Variants in MEGF10 observed in about 807,000 individuals in gnomAD.
MEGF10 encodes the protein multiple EGF like domains 10.
MEGF10 carries 86 observed loss-of-function variants against 147.5 expected under a neutral mutation model. The ratio of observed to expected loss-of-function variants is 0.58; its 90% CI spans 0.49 to 0.70. The LOEUF is 0.70. Ranked by LOEUF, MEGF10 falls within the 30% of genes least tolerant of loss-of-function variation. The pLI, the probability that MEGF10 is intolerant of heterozygous loss-of-function variation, is 0.00. For synonymous variants in MEGF10, 478 were observed against 525.5 expected, an observed-to-expected ratio of 0.91 and a Z score of 1.24; for missense variants, 1,329 against 1,487.3, an observed-to-expected ratio of 0.89 and a Z score of 1.75.
chr5:127,306,744 A>G (rs1760030267), intron 1 of MEGF10, among the ~76,000 whole-genome samples: 1 of 152,226 alleles, frequency 6.6e-6, no homozygotes, highest in African/African-American at 2.4e-5. Context: ...GTTAGAGGAA[A>G]GAAGTCCAGG....
intron 5 of MEGF10, among the ~76,000 whole-genome samples, chr5:127,374,032 T>C (rs1372488975): frequency 6.6e-6 from 1 of 152,188 alleles, no homozygotes; most frequent in African/African-American, 2.4e-5. Context: ...GGGGAAGTCA[T>C]TGGCTGATGG....
the MEGF10 span, among the ~76,000 whole-genome samples, chr5:127,247,483 A>G: frequency 1.8e-3 from 277 of 150,208 alleles, 7 homozygotes; most frequent in Middle Eastern, 0.01. Context: ...GAAGAAGAAG[A>G]AGAAAAATTT....
chr5:127,450,345 C>G (rs1766106220), intron 22 of MEGF10, among the ~76,000 whole-genome samples: 1 of 152,160 alleles, frequency 6.6e-6, no homozygotes, highest in Admixed American at 6.5e-5. Context: ...GCGAGACTCA[C>G]CTCTTAAAAT....
intron 2 of MEGF10, among the ~76,000 whole-genome samples, chr5:127,334,344 T>C (rs1202141264): frequency 2.6e-5 from 4 of 152,084 alleles, no homozygotes; most frequent in Non-Finnish European, 4.4e-5. Flanking sequence ...AGGCATGAAC[T>C]TGTTAGAAAT....
chr5:127,338,295 G>A lies in MEGF10; in HGVS notation c.117-825G>A, dbSNP rs566321928. Among the ~76,000 whole-genome samples, 29 of 152,164 alleles carry A rather than the reference G, an allele frequency of 1.9e-4. 1 individual carries two copies. Among genetic ancestry groups the A allele is most frequent in the South Asian group, 1.7e-3 (8 of 4,820 alleles). On this transcript the variant is annotated intron_variant, in intron 2 of 24. Coordinates refer to ENST00000503335, the MANE Select transcript of MEGF10 (RefSeq NM_001256545.2). ...AAATTGTTTGGAGAAGATTATCCAC[G>A]TTTTCTTATAGGCAGACACTAAGCT... is the stretch of plus-strand genomic sequence containing the variant.
chr5:127,378,782 C>A (rs576433755), intron 5 of MEGF10, among the ~76,000 whole-genome samples: 17 of 152,246 alleles, frequency 1.1e-4, no homozygotes, highest in Admixed American at 3.9e-4. Context: ...TGGAGGCTCT[C>A]TTTGTCCACA....
Position 127,440,872 on chromosome 5 carries a change from G to C in MEGF10, c.2362+5G>C. 3 of 1,611,414 alleles carry C rather than the reference G, an allele frequency of 1.9e-6. No homozygotes were observed. The highest frequency in any genetic ancestry group is 2.5e-6 in the Non-Finnish European group (3 of 1,178,966). ...TGGGACGGCACTGTGAGCAGAGTAA[G>C]TATGAGAGTGTGGCATCACTGGGTG... On this transcript the variant is annotated splice_donor_5th_base_variant and intron_variant, in intron 18 of 24. Transcript: ENST00000503335.
chr5:127,410,844 A>G (rs1437969826), intron 9 of MEGF10, among the ~76,000 whole-genome samples: 1 of 152,242 alleles, frequency 6.6e-6, no homozygotes, highest in Non-Finnish European at 1.5e-5. Flanking sequence ...TTCTCTATTA[A>G]TGACCACTGA....
At chr5:127,412,360 A>G (rs908782905) in intron 9 of MEGF10, among the ~76,000 whole-genome samples, 5 of 152,212 alleles carry the variant, frequency 3.3e-5, no homozygotes, top group Admixed American at 2.6e-4. Context: ...CCATCTATCT[A>G]GTTCTTATAT....
intron 5 of MEGF10, among the ~76,000 whole-genome samples, chr5:127,384,174 T>C (rs1580794010): frequency 6.6e-6 from 1 of 152,206 alleles, no homozygotes; most frequent in Admixed American, 6.5e-5. Flanking sequence ...GCACATTCTT[T>C]TGTGATAAAT....
chr5:127,429,471 C>T (rs983759234), intron 13 of MEGF10, among the ~76,000 whole-genome samples: 7 of 152,176 alleles, frequency 4.6e-5, no homozygotes, highest in Admixed American at 3.9e-4. Flanking sequence ...TCCTGAATAT[C>T]ATACAGGAAA....
chr5:127,388,955 G>GA (rs1763543882), intron 5 of MEGF10, among the ~76,000 whole-genome samples: 1 of 152,190 alleles, frequency 6.6e-6, no homozygotes, highest in Non-Finnish European at 1.5e-5. Flanking sequence ...CTTACTCAGT[G>GA]AATCATTAAT....
upstream of MEGF10, among the ~76,000 whole-genome samples, chr5:127,287,514 G>A (rs770695326): frequency 6.6e-6 from 1 of 151,852 alleles, no homozygotes; most frequent in Non-Finnish European, 1.5e-5. Flanking sequence ...AATACTTAGG[G>A]ATTCATTTTT....
the MEGF10 span, among the ~76,000 whole-genome samples, chr5:127,270,150 G>A: frequency 1.1e-4 from 16 of 152,264 alleles, no homozygotes; most frequent in South Asian, 8.3e-4. Context: ...AAAGACCATC[G>A]ATGCTGGGAA....
intron 4 of MEGF10, among the ~76,000 whole-genome samples, chr5:127,346,450 G>T (rs1761898036): frequency 6.6e-6 from 1 of 152,212 alleles, no homozygotes; most frequent in African/African-American, 2.4e-5. Flanking sequence ...GCATTTCCCT[G>T]ATCATTAGTG....
At chr5:127,366,673 A>T (rs1762667295) in intron 4 of MEGF10, among the ~76,000 whole-genome samples, 1 of 152,234 alleles carries the variant, frequency 6.6e-6, no homozygotes, top group African/African-American at 2.4e-5. Flanking sequence ...CATAAATGTA[A>T]TCCATATTTT....
intron 8 of MEGF10, among the ~76,000 whole-genome samples, chr5:127,403,194 T>C (rs956196420): frequency 6.6e-6 from 1 of 152,230 alleles, no homozygotes. Context: ...GCTGTGCTCA[T>C]GCGGGTCTTA....
intron 2 of MEGF10, among the ~76,000 whole-genome samples, chr5:127,336,468 G>T (rs1032117898): frequency 7.9e-5 from 12 of 152,034 alleles, no homozygotes; most frequent in Non-Finnish European, 1.3e-4. Context: ...AGAGCTATTG[G>T]TGAGCAGCAA....
intron 13 of MEGF10, among the ~76,000 whole-genome samples, chr5:127,429,242 T>C (rs1179177058): frequency 6.6e-6 from 1 of 152,224 alleles, no homozygotes; most frequent in Non-Finnish European, 1.5e-5. Flanking sequence ...AATTCCTTTA[T>C]GGCCTAATAA....
Sources: allele counts gnomAD v4.1 joint callset (sites outside exome capture counted in the v4.1 genomes callset), GRCh38; gene constraint gnomAD v4.1.1; transcripts MANE v1.5; gene names NCBI Gene and HGNC (gene_info 2026-07-23, HGNC 2026-07-21).